STK31: variants seen among roughly 807,000 people sequenced by gnomAD.
STK31 encodes the protein serine/threonine-protein kinase 31.
STK31 carries 89 observed loss-of-function variants against 129.7 expected under a neutral mutation model. The observed-to-expected ratio is 0.69, with a 90% CI of 0.58 to 0.82. The LOEUF is 0.82. Ranked by LOEUF, STK31 falls within the 40% of genes least tolerant of loss-of-function variation. The pLI is 0.00. For missense variants in STK31, 1,187 were observed against 1,176.4 expected (o/e 1.01, Z -0.13); for synonymous variants, 448 against 395.3 (o/e 1.13, Z -1.58).
intron 3 of STK31, among the ~76,000 whole-genome samples, chr7:23,716,726 T>A (rs1426755353): frequency 6.6e-6 from 1 of 152,012 alleles, no homozygotes; most frequent in Non-Finnish European, 1.5e-5. Flanking sequence ...GCCTTGGCCA[T>A]TGGGACAAAG....
chr7:23,770,039 A>G (rs1790086870), intron 13 of STK31, among the ~76,000 whole-genome samples: 1 of 152,170 alleles, frequency 6.6e-6, no homozygotes, highest in Non-Finnish European at 1.5e-5. Flanking sequence ...TGAGTGGACA[A>G]TCTTGTCTAT....
intron 23 of STK31, among the ~76,000 whole-genome samples, chr7:23,820,138 A>G (rs1793714197): frequency 6.6e-6 from 1 of 152,152 alleles, no homozygotes; most frequent in South Asian, 2.1e-4. Context: ...TTTCCCCATA[A>G]TTCAATTCCA....
intron 11 of STK31, among the ~76,000 whole-genome samples, chr7:23,766,540 C>T (rs894348387): frequency 6.6e-6 from 1 of 152,202 alleles, no homozygotes; most frequent in African/African-American, 2.4e-5. Flanking sequence ...AGGTGTGAGC[C>T]AAAGTGCCCA....
chr7:23,762,160 T>G (rs1789513767), intron 10 of STK31, among the ~76,000 whole-genome samples: 1 of 152,070 alleles, frequency 6.6e-6, no homozygotes, highest in African/African-American at 2.4e-5. Flanking sequence ...TATGTATACA[T>G]GTGCCATGCT....
Position 23,795,661 on chromosome 7 carries a change from G to A in STK31, c.2760+4715G>A, listed in dbSNP as rs188191668. Among the ~76,000 whole-genome samples, 745 of 152,324 alleles carry A rather than the reference G, an allele frequency of 4.9e-3. 6 individuals carry two copies. Among genetic ancestry groups the A allele is most frequent in the African/African-American group, 0.017 (696 of 41,570 alleles). On this transcript the variant is annotated intron_variant, in intron 22 of 23. Transcript: ENST00000355870. ...GCCCATGAAAGCAGCCAGAAGCGGG[G>A]CTGTAGCCTGCAAAGCCACTGGGGC...
rs1174836441 is a variant in STK31, at chr7:23,786,626, T to C, written c.2393T>C (p.Leu798Ser). The stretch of plus-strand genomic sequence containing the variant: ...TTACTGCCATTGATATTCCTGTTTT[T>C]ATGTAAGGTAAAGTTCTTATGCTAA... ...SGLLPLIFLF[L>S]CKSDPMAYLM... The change falls in exon 19 of 24, where the codon TTA becomes TCA. Residue 798 changes from leucine to serine, a missense_variant. This residue lies in a region of STK31 where 975 missense variants were observed against 934.9 expected (regional missense o/e 1.04). Transcript: ENST00000355870. 1 of 1,612,924 alleles carries C rather than the reference T, an allele frequency of 6.2e-7. No homozygotes were observed. Among genetic ancestry groups the C allele is most frequent in the Non-Finnish European group, 8.5e-7 (1 of 1,179,602 alleles).
intron 22 of STK31, among the ~76,000 whole-genome samples, chr7:23,805,954 G>T (rs866865726): frequency 6.6e-6 from 1 of 152,198 alleles, no homozygotes; most frequent in East Asian, 1.9e-4. Context: ...CCAAAGTATA[G>T]ATATGAGAAT....
At chr7:23,719,535 C>A (rs1786558192) in intron 4 of STK31, among the ~76,000 whole-genome samples, 1 of 151,974 alleles carries the variant, frequency 6.6e-6, no homozygotes. Flanking sequence ...ACATTTAACT[C>A]AAAATAAAGT....
At position 23,813,671 on chromosome 7, in the gene STK31, G is replaced by A. The variant is rs138701463; in HGVS notation, c.2761-1473G>A. Among the ~76,000 whole-genome samples the A allele has an allele frequency of 3.0e-4, 45 of 152,254 alleles. No homozygotes were observed. In the East Asian group the frequency reaches 8.3e-3, roughly 28 times the overall value. On this transcript the variant is annotated intron_variant, in intron 22 of 23. Transcript: ENST00000355870. ...GCCTCCAGTGGTCCCTGCTGATGGT[G>A]TTTGAGGGAATGAAAGGAACTTTTC...
intron 3 of STK31, 29 bp from the exon 4 acceptor site, chr7:23,717,452 G>C (rs771204206): frequency 2.7e-6 from 4 of 1,458,536 alleles, no homozygotes; most frequent in East Asian, 2.4e-5. Flanking sequence ...ATATTTTACT[G>C]TATCTTATAC....
Position 23,819,203 on chromosome 7 carries a change from C to G in STK31, c.2829+3991C>G, listed in dbSNP as rs368473370. On this transcript the variant is annotated intron_variant, in intron 23 of 23. Transcript: ENST00000355870. The stretch of plus-strand genomic sequence containing the variant: ...ATTTTGTAATATTTAATTGTTTGCA[C>G]CTAGGGAAGGTAACTATCTTTAAAT... 2.0e-4 allele frequency among the ~76,000 whole-genome samples: 30 copies of G among 152,106 alleles called. No homozygotes were observed. In the East Asian group the frequency reaches 5.2e-3, roughly 26 times the overall value.
rs1041757964 is a variant in STK31, at chr7:23,721,500, T to G, written c.249+3921T>G. 178 of 1,024,138 alleles carry G rather than the reference T, an allele frequency of 1.7e-4. No homozygotes were observed. In the Admixed American group the frequency reaches 3.2e-3, roughly 19 times the overall value. 63.4% of individuals were successfully genotyped at this position (1,024,138 alleles called of 1,614,324 possible). ...TCCAGAGGCTGAGGAATAAGCTGAT[T>G]ACCCACAAATATGTATGTGTTAGTT... On this transcript the variant is annotated intron_variant, in intron 4 of 23. Coordinates refer to ENST00000355870, the MANE Select transcript of STK31 (RefSeq NM_031414.5).
intron 23 of STK31, among the ~76,000 whole-genome samples, chr7:23,822,850 G>A (rs1452348354): frequency 6.6e-6 from 1 of 152,110 alleles, no homozygotes; most frequent in African/African-American, 2.4e-5. Flanking sequence ...TGTGGTGTTC[G>A]GTTTTTTGTC....
At chr7:23,779,957 A>G (rs1023267322) in intron 15 of STK31, among the ~76,000 whole-genome samples, 16 of 152,118 alleles carry the variant, frequency 1.1e-4, no homozygotes, top group Non-Finnish European at 2.2e-4. Flanking sequence ...AACCCAGGGC[A>G]CTGGTGATGT....
intron 11 of STK31, among the ~76,000 whole-genome samples, chr7:23,766,171 A>G (rs1002881811): frequency 6.6e-6 from 1 of 152,222 alleles, no homozygotes; most frequent in Non-Finnish European, 1.5e-5. Context: ...AAATACAAAT[A>G]GTTGTTTAGC....
chr7:23,831,309 T>A (rs1219043400), intron 23 of STK31, among the ~76,000 whole-genome samples: 2 of 152,256 alleles, frequency 1.3e-5, no homozygotes, highest in African/African-American at 2.4e-5. Context: ...TGTATATGTT[T>A]AGAATTGTTA....
At chr7:23,768,583 G>A (rs540332395) in intron 11 of STK31, among the ~76,000 whole-genome samples, 2 of 152,160 alleles carry the variant, frequency 1.3e-5, no homozygotes, top group African/African-American at 4.8e-5. Flanking sequence ...AGTGGTGGAT[G>A]TTGAGAAATT....
rs1385604667 is a variant in STK31, at chr7:23,730,869, TATATA to T, written c.483+1621_483+1625del. 8.2e-5 allele frequency among the ~76,000 whole-genome samples: 4 copies of T among 49,006 alleles called. 1 individual carries two copies. The South Asian group carries it at 3.6e-3, about 44-fold the overall frequency. 32.1% of individuals were successfully genotyped at this position (49,006 alleles called of 152,430 possible). A position where few individuals can be genotyped will look rare whatever the true frequency, so the allele number is the denominator to read the frequency against. The stretch of plus-strand genomic sequence containing the variant: ...GTATATAAACATTTATATATATATA[TATATA>T]TATATTTTTTTTTTTTTTTTTTGGT... On this transcript the variant is annotated intron_variant, in intron 6 of 23. Coordinates refer to ENST00000355870, the MANE Select transcript of STK31 (RefSeq NM_031414.5).
At chr7:23,787,639 G>A (rs1361603778) in intron 20 of STK31, among the ~76,000 whole-genome samples, 1 of 152,062 alleles carries the variant, frequency 6.6e-6, no homozygotes, top group Non-Finnish European at 1.5e-5. Flanking sequence ...TCTAATGCCT[G>A]TGATCTGAGG....
Sources: allele counts gnomAD v4.1 joint callset (sites outside exome capture counted in the v4.1 genomes callset), GRCh38; gene constraint gnomAD v4.1.1; regional missense constraint gnomAD v4.1.1; transcripts MANE v1.5; gene names NCBI Gene and HGNC (gene_info 2026-07-23, HGNC 2026-07-21).